TRHDE: variants seen among roughly 807,000 people sequenced by gnomAD.
TRHDE encodes thyrotropin releasing hormone degrading enzyme, also known as thyrotropin-releasing hormone-degrading ectoenzyme.
In TRHDE, 72 loss-of-function variants were observed where a neutral mutation model predicts 125.7. The ratio of observed to expected loss-of-function variants is 0.57; its 90% CI spans 0.47 to 0.70. The LOEUF (loss-of-function observed/expected upper bound fraction) is 0.70, where lower values mean the gene tolerates loss of function less well. Among genes scored for constraint, TRHDE ranks in the 30% least tolerant of loss-of-function variants. The pLI is 0.00. For synonymous variants in TRHDE, 509 were observed against 509.1 expected, an observed-to-expected ratio of 1.00 and a Z score of 0.00; for missense variants, 1,110 against 1,327.1, an observed-to-expected ratio of 0.84 and a Z score of 2.54.
At chr12:72,256,556 T>A (rs1182621490) in intron 2 of TRHDE, 1 of 152,192 alleles carries the variant, frequency 6.6e-6, no homozygotes, top group Non-Finnish European at 1.5e-5. Context: ...AAGATCAGAA[T>A]TTTAATCTGT....
intron 2 of TRHDE, among the ~76,000 whole-genome samples, chr12:72,305,971 C>T (rs1868335104): frequency 6.6e-6 from 1 of 152,170 alleles, no homozygotes; most frequent in Non-Finnish European, 1.5e-5. Flanking sequence ...CTTGACACTC[C>T]AGTGGTACAG....
intron 3 of TRHDE, among the ~76,000 whole-genome samples, chr12:72,379,408 G>C (rs1479907157): frequency 1.3e-5 from 2 of 152,096 alleles, no homozygotes; most frequent in Non-Finnish European, 2.9e-5. Context: ...CAACTTCCCT[G>C]TTAGAATCTG....
At chr12:72,143,300 G>C (rs560888440) in intron 2 of TRHDE, among the ~76,000 whole-genome samples, 2 of 152,120 alleles carry the variant, frequency 1.3e-5, no homozygotes, top group African/African-American at 4.8e-5. Context: ...CATTTCAACG[G>C]TGTTAGGAAA....
intron 1 of TRHDE, among the ~76,000 whole-genome samples, chr12:72,283,664 C>G (rs543709066): frequency 6.6e-6 from 1 of 152,232 alleles, no homozygotes; most frequent in African/African-American, 2.4e-5. Context: ...AGAGATTGCA[C>G]TATGTTTTTT....
At chr12:72,088,597 C>A (rs116461070) in intron 1 of TRHDE, among the ~76,000 whole-genome samples, 3,844 of 151,800 alleles carry the variant, frequency 0.025, 108 homozygotes, top group East Asian at 0.11. Context: ...AACTTTGCTG[C>A]GCCTCGGTTC....
chr12:72,324,685 C>T (rs568931969), intron 2 of TRHDE, among the ~76,000 whole-genome samples: 4 of 152,120 alleles, frequency 2.6e-5, no homozygotes, highest in South Asian at 2.1e-4. Flanking sequence ...GGAAATGGGG[C>T]GGAATGTCAC....
intron 2 of TRHDE, among the ~76,000 whole-genome samples, chr12:72,151,995 C>T (rs1876378498): frequency 6.6e-6 from 1 of 151,476 alleles, no homozygotes; most frequent in Middle Eastern, 3.4e-3. Context: ...GCAGTATGGC[C>T]ATTTTCACAA....
At chr12:72,341,786 CAT>C (rs1870096295) in intron 2 of TRHDE, among the ~76,000 whole-genome samples, 1 of 152,120 alleles carries the variant, frequency 6.6e-6, no homozygotes, top group Admixed American at 6.6e-5. Flanking sequence ...GAAATTAAAA[CAT>C]GTATCTGCGG....
intron 2 of TRHDE, among the ~76,000 whole-genome samples, chr12:72,185,145 G>C (rs903316368): frequency 6.6e-6 from 1 of 152,316 alleles, no homozygotes; most frequent in Non-Finnish European, 1.5e-5. Context: ...CGGAGCAGCC[G>C]GCCAGCCCTG....
chr12:72,570,598 A>G (rs889502857), intron 10 of TRHDE, among the ~76,000 whole-genome samples: 1 of 146,482 alleles, frequency 6.8e-6, no homozygotes, highest in South Asian at 2.1e-4. Context: ...AAAAAAAAAA[A>G]AAAAAAAGAG....
intron 2 of TRHDE, among the ~76,000 whole-genome samples, chr12:72,295,904 A>G (rs538072201): frequency 6.6e-6 from 1 of 152,230 alleles, no homozygotes; most frequent in Non-Finnish European, 1.5e-5. Flanking sequence ...AAATAGTAAC[A>G]AAAGAGTTGG....
At chr12:72,488,161 T>A (rs992537509) in intron 5 of TRHDE, among the ~76,000 whole-genome samples, 1 of 152,078 alleles carries the variant, frequency 6.6e-6, no homozygotes, top group Non-Finnish European at 1.5e-5. Flanking sequence ...AATAGTAACC[T>A]ATCAATAATA....
chr12:72,289,870 A>C (rs1013598388), intron 2 of TRHDE, among the ~76,000 whole-genome samples: 1 of 152,178 alleles, frequency 6.6e-6, no homozygotes, highest in African/African-American at 2.4e-5. Context: ...AGTTTCACTT[A>C]ATCCAGACCG....
At chr12:72,470,018 T>C in intron 4 of TRHDE, 106 bp downstream of exon 4, 1 of 1,129,086 alleles carries the variant, frequency 8.9e-7, no homozygotes. Flanking sequence ...GAAGTTTTAA[T>C]TTTATATGGA....
intron 2 of TRHDE, among the ~76,000 whole-genome samples, chr12:72,312,718 A>G (rs1033565508): frequency 6.6e-6 from 1 of 152,180 alleles, no homozygotes; most frequent in African/African-American, 2.4e-5. Context: ...CAAAGGTTAT[A>G]GTTCCACTTT....
intron 5 of TRHDE, among the ~76,000 whole-genome samples, chr12:72,480,636 T>C (rs551459634): frequency 2.0e-5 from 3 of 152,266 alleles, no homozygotes; most frequent in African/African-American, 7.2e-5. Flanking sequence ...TTTACAGCAT[T>C]AGATGCTTTC....
chr12:72,546,333 G>T, intron 7 of TRHDE, among the ~76,000 whole-genome samples: 1 of 151,550 alleles, frequency 6.6e-6, no homozygotes, highest in Admixed American at 6.6e-5. Context: ...AAGCACTAAG[G>T]TTGTTGTTTT....
At chr12:72,622,734 G>A (rs1410105489) in intron 15 of TRHDE, among the ~76,000 whole-genome samples, 5 of 151,974 alleles carry the variant, frequency 3.3e-5, no homozygotes, top group Admixed American at 1.3e-4. Context: ...AGCTGTTTAG[G>A]TTTAGATTTA....
intron 1 of TRHDE, among the ~76,000 whole-genome samples, chr12:72,280,388 T>G (rs1192069365): frequency 6.6e-6 from 1 of 152,196 alleles, no homozygotes; most frequent in African/African-American, 2.4e-5. Context: ...CCAGTTTGTG[T>G]AGGACCAACG....
Sources: allele counts gnomAD v4.1 joint callset (sites outside exome capture counted in the v4.1 genomes callset), GRCh38; gene constraint gnomAD v4.1.1; transcripts MANE v1.5; gene names NCBI Gene and HGNC (gene_info 2026-07-23, HGNC 2026-07-21).